PIEZO2: variants seen among roughly 807,000 people sequenced by gnomAD.
PIEZO2 encodes piezo-type mechanosensitive ion channel component 2.
PIEZO2 carries 172 observed loss-of-function variants against 337.3 expected under a neutral mutation model. The observed-to-expected ratio is 0.51, with a 90% CI of 0.45 to 0.58. The LOEUF is 0.58. Ranked by LOEUF, PIEZO2 falls within the 20% of genes least tolerant of loss-of-function variation. The pLI is 0.00. For missense variants in PIEZO2, 3,028 were observed against 3,391.3 expected, an observed-to-expected ratio of 0.89 and a Z score of 2.66; for synonymous variants, 1,251 against 1,228.5, an observed-to-expected ratio of 1.02 and a Z score of -0.38.
In PIEZO2 at chr18:10,736,673, A is replaced by G; in HGVS notation, c.4746T>C (p.Asp1582=). ...ATTCTTCCTCTTCCTCCTCTTCACT[A>G]TCCGTTTCAAACAAATAATAATCTC... is the stretch of plus-strand genomic sequence containing the variant. ...RSGDYYLFET[D]SEEEEEEELK... The change falls in exon 34 of 56, where the codon GAT becomes GAC. Residue 1582 remains aspartate (D), a synonymous_variant. Coordinates refer to ENST00000674853, the MANE Select transcript of PIEZO2 (RefSeq NM_001378183.1). The G allele has an allele frequency of 6.5e-7, 1 of 1,536,912 alleles. No individual in the cohort carries two copies. Among genetic ancestry groups the G allele is most frequent in the East Asian group, 2.4e-5 (1 of 40,886 alleles).
intron 1 of PIEZO2, among the ~76,000 whole-genome samples, chr18:11,138,373 G>A (rs1599018189): frequency 6.6e-6 from 1 of 152,192 alleles, no homozygotes; most frequent in Admixed American, 6.5e-5. Flanking sequence ...TCAGCTCACT[G>A]CAACCTCTGC....
Position 10,773,454 on chromosome 18 carries a change from C to T in PIEZO2, c.2743G>A (p.Gly915Arg), listed in dbSNP as rs750411760. Residue 915 changes from glycine (G) to arginine (R), a missense_variant, in exon 20 of 56, where the codon GGA (glycine) becomes AGA (arginine). Physicochemically the swap from Gly to Arg is moderately radical, Grantham distance 125 (BLOSUM62 -2). Transcript: ENST00000674853. The surrounding 1 kb of genome is among the most constrained non-coding windows in gnomAD (Gnocchi z 5.3). ...TCCTCGGATTCCTCCTCTTCCTCTCCGTCCTCCTCTGACTCCTCGCTGTCT... is the reference window on the plus strand; with the variant it reads ...TCCTCGGATTCCTCCTCTTCCTCTCTGTCCTCCTCTGACTCCTCGCTGTCT... ...GKDSEESEED[G>R]EEEEESEEEE... The T allele has an allele frequency of 4.6e-6, 7 of 1,537,386 alleles. No homozygotes were observed. In the Admixed American group the frequency reaches 7.8e-5, roughly 17 times the overall value.
chr18:10,950,058 C>A (rs996962289), intron 3 of PIEZO2, among the ~76,000 whole-genome samples: 2 of 152,088 alleles, frequency 1.3e-5, no homozygotes, highest in Non-Finnish European at 2.9e-5. Flanking sequence ...AATGAATGAA[C>A]CAGGTGTTGA....
chr18:10,724,853 G>T lies in PIEZO2; in HGVS notation c.5029+6554C>A, dbSNP rs1468601403. On this transcript the variant is annotated intron_variant, in intron 36 of 55. Coordinates refer to ENST00000674853, the MANE Select transcript of PIEZO2 (RefSeq NM_001378183.1). This position sits in a 1 kb window ranked among gnomAD's most constrained non-coding sequence, Gnocchi z 5.8. ...CTGGGCCACGGCGGCCACATGCGTC[G>T]CAGTGAGAGCACCTACTCTGTAAAT... is the stretch of plus-strand genomic sequence containing the variant. 2 of 1,605,440 alleles carry T rather than the reference G, an allele frequency of 1.2e-6. No individual in the cohort carries two copies. The highest frequency in any genetic ancestry group is 2.2e-5 in the East Asian group (1 of 44,694).
intron 55 of PIEZO2, 81 bp from the exon 56 acceptor site, chr18:10,671,860 A>G (rs1379952267): frequency 3.0e-5 from 38 of 1,259,256 alleles, no homozygotes; most frequent in Non-Finnish European, 4.0e-5. Flanking sequence ...AGAAAAAAAT[A>G]TTACTTTCCC....
chr18:11,106,023 T>C (rs190624175), intron 1 of PIEZO2, among the ~76,000 whole-genome samples: 3 of 152,204 alleles, frequency 2.0e-5, no homozygotes, highest in African/African-American at 7.2e-5. Flanking sequence ...ATTTTGGCCA[T>C]TGTTCTCTTA....
At chr18:11,088,866 G>A (rs1274453772) in intron 1 of PIEZO2, among the ~76,000 whole-genome samples, 1 of 152,204 alleles carries the variant, frequency 6.6e-6, no homozygotes, top group Non-Finnish European at 1.5e-5. Context: ...GTCTGGAGAA[G>A]CAAATGGAAA....
At chr18:11,134,177 C>A (rs1403325093) in intron 1 of PIEZO2, among the ~76,000 whole-genome samples, 1 of 152,182 alleles carries the variant, frequency 6.6e-6, no homozygotes, top group African/African-American at 2.4e-5. Flanking sequence ...CACTGGCCGT[C>A]CAGTCATGAG....
intron 3 of PIEZO2, among the ~76,000 whole-genome samples, chr18:10,955,914 T>C (rs1216311160): frequency 1.3e-5 from 2 of 152,220 alleles, no homozygotes; most frequent in Non-Finnish European, 2.9e-5. Context: ...ACAGTAGCTA[T>C]AACCATAGTG....
chr18:10,977,457 T>C (rs905491227), intron 3 of PIEZO2, among the ~76,000 whole-genome samples: 3 of 152,126 alleles, frequency 2.0e-5, no homozygotes, highest in African/African-American at 7.2e-5. Context: ...CTTATGGTCC[T>C]GAGAGTACCT....
At chr18:10,885,191 G>A (rs546164019) in intron 4 of PIEZO2, among the ~76,000 whole-genome samples, 2 of 152,294 alleles carry the variant, frequency 1.3e-5, no homozygotes, top group Admixed American at 6.5e-5. Context: ...TTGGGAGGCC[G>A]AGGCGGGCGG....
intron 1 of PIEZO2, among the ~76,000 whole-genome samples, chr18:11,067,326 G>C (rs894080485): frequency 6.6e-6 from 1 of 151,840 alleles, no homozygotes; most frequent in African/African-American, 2.4e-5. Context: ...CCTCCATTAG[G>C]CCCTATTAGG....
intron 2 of PIEZO2, among the ~76,000 whole-genome samples, chr18:10,990,725 A>C (rs1344077309): frequency 1.3e-5 from 2 of 151,112 alleles, no homozygotes; most frequent in African/African-American, 2.4e-5. Context: ...ACACACACAC[A>C]CCCCTATATA....
intron 3 of PIEZO2, among the ~76,000 whole-genome samples, chr18:10,966,820 C>A (rs1490966737): frequency 1.3e-5 from 2 of 152,018 alleles, no homozygotes; most frequent in Admixed American, 6.6e-5. Flanking sequence ...CATTCTTATA[C>A]CTTTGTTTTC....
In PIEZO2 at chr18:11,080,807, G is replaced by A. The variant is rs1248006323; in HGVS notation, c.65-14585C>T. 2.6e-5 allele frequency among the ~76,000 whole-genome samples: 4 copies of A among 152,150 alleles called. No homozygotes were observed. Among genetic ancestry groups the A allele is most frequent in the African/African-American group, 7.2e-5 (3 of 41,428 alleles). On this transcript the variant is annotated intron_variant, in intron 1 of 55. Coordinates refer to ENST00000674853, the MANE Select transcript of PIEZO2 (RefSeq NM_001378183.1). This position sits in a 1 kb window ranked among gnomAD's most constrained non-coding sequence, Gnocchi z 5.4. Reference sequence around the variant, plus strand: ...CACGGTGAGCCAAGATGGTGCCACTGCACCCCAGCCTGGCGACAGAGCAAG... The same window carrying A: ...CACGGTGAGCCAAGATGGTGCCACTACACCCCAGCCTGGCGACAGAGCAAG...
In PIEZO2 at chr18:10,752,805, G is replaced by A. The variant is rs1179377354; in HGVS notation, c.3998C>T (p.Thr1333Ile). The A allele has an allele frequency of 6.5e-7, 1 of 1,537,104 alleles. No homozygotes were observed. Among genetic ancestry groups the A allele is most frequent in the Non-Finnish European group, 8.7e-7 (1 of 1,146,908 alleles). ...FWFVLTIIFI[T>I]GTTRISIFCM... ...AAAGATGCTGATCCTGGTGGTCCCA[G>A]TGATGAAGATGATGGTGAGCACAAA... The change falls in exon 28 of 56, where the codon ACT becomes ATT. Residue 1333 changes from threonine to isoleucine, a missense_variant. By Grantham distance (89) the Thr-to-Ile change is moderately conservative (BLOSUM62 -1). Around this residue, in one of 5 missense-constraint regions of PIEZO2, gnomAD observed 1,925 missense variants for 2,051.9 expected, o/e 0.94. Coordinates refer to ENST00000674853, the MANE Select transcript of PIEZO2 (RefSeq NM_001378183.1).
chr18:10,835,289 T>A (rs564049024), intron 7 of PIEZO2, among the ~76,000 whole-genome samples: 6 of 152,214 alleles, frequency 3.9e-5, no homozygotes, highest in Non-Finnish European at 8.8e-5. Context: ...TTTTTTTTTT[T>A]TTGGTAAGGA....
intron 2 of PIEZO2, among the ~76,000 whole-genome samples, chr18:11,023,787 G>A (rs568566982): frequency 6.6e-6 from 1 of 152,346 alleles, no homozygotes; most frequent in South Asian, 2.1e-4. Context: ...CCCGAACCCT[G>A]CCCCGCTGGG....
In PIEZO2 at chr18:11,144,436, C is replaced by T. The variant is rs953131472; in HGVS notation, c.64+4089G>A. Among the ~76,000 whole-genome samples, 4 of 152,076 alleles carry T rather than the reference C, an allele frequency of 2.6e-5. No homozygotes were observed. The East Asian group carries it at 5.8e-4, about 22-fold the overall frequency. ...ACCTACCACTGAGAGCTACAGCCAC[C>T]GCAATAGGGGAGGCCAATGCTGATC... On this transcript the variant is annotated intron_variant, in intron 1 of 55. Coordinates refer to ENST00000674853, the MANE Select transcript of PIEZO2 (RefSeq NM_001378183.1).
Sources: gnomAD v4.1 joint callset for allele counts (sites outside exome capture counted in the v4.1 genomes callset) on GRCh38, gnomAD v4.1.1 for gene constraint, gnomAD v4.1.1 regional missense constraint, Gnocchi (gnomAD v3.1) non-coding constraint, MANE v1.5 for transcripts, NCBI Gene and HGNC (gene_info 2026-07-23, HGNC 2026-07-21) for gene names.